The following CACNA2D3 variants were observed in gnomAD, a reference collection of about 807,000 sequenced individuals.
CACNA2D3 encodes voltage-dependent calcium channel subunit alpha-2/delta-3.
A neutral mutation model predicts 160.6 loss-of-function variants in CACNA2D3; 60 were observed. The observed-to-expected ratio is 0.37, with a 90% CI of 0.30 to 0.46. CACNA2D3 has a LOEUF of 0.46. Among genes scored for constraint, CACNA2D3 ranks in the 20% least tolerant of loss-of-function variants. The pLI, the probability that CACNA2D3 is intolerant of heterozygous loss-of-function variation, is 1.00. For synonymous variants in CACNA2D3, 558 were observed against 492.9 expected (o/e 1.13, Z -1.75); for missense variants, 1,205 against 1,365.0 (o/e 0.88, Z 1.85).
intron 4 of CACNA2D3, among the ~76,000 whole-genome samples, chr3:54,500,066 G>A (rs989845901): frequency 6.6e-6 from 1 of 151,964 alleles, no homozygotes. Context: ...GTATTTTAAC[G>A]CTGTGCTGTT....
chr3:54,448,068 G>A (rs1311888610), intron 4 of CACNA2D3, among the ~76,000 whole-genome samples: 1 of 152,146 alleles, frequency 6.6e-6, no homozygotes, highest in Non-Finnish European at 1.5e-5. Flanking sequence ...GGGCTCAGAC[G>A]ACACCAGAAT....
At chr3:54,522,290 G>T (rs1276427248) in intron 5 of CACNA2D3, among the ~76,000 whole-genome samples, 5 of 151,886 alleles carry the variant, frequency 3.3e-5, no homozygotes, top group African/African-American at 1.2e-4. Flanking sequence ...TCTTTTTAAT[G>T]ATATTATAAA....
At chr3:54,917,310 A>T (rs1028160441) in intron 27 of CACNA2D3, among the ~76,000 whole-genome samples, 1 of 152,224 alleles carries the variant, frequency 6.6e-6, no homozygotes, top group Non-Finnish European at 1.5e-5. Context: ...ATGTCTGTGG[A>T]GTAAAGCCAG....
intron 5 of CACNA2D3, among the ~76,000 whole-genome samples, chr3:54,539,968 C>T (rs904832283): frequency 2.0e-5 from 3 of 152,120 alleles, no homozygotes; most frequent in African/African-American, 4.8e-5. Context: ...ATAGGTGAGC[C>T]TGGAAAGTCT....
chr3:54,554,030 G>A (rs942204868), intron 5 of CACNA2D3, among the ~76,000 whole-genome samples: 2 of 152,154 alleles, frequency 1.3e-5, no homozygotes, highest in African/African-American at 4.8e-5. Flanking sequence ...GCCTCATCTA[G>A]TACCTCTCGC....
chr3:54,813,599 G>T (rs935256418), intron 13 of CACNA2D3, among the ~76,000 whole-genome samples: 1 of 152,076 alleles, frequency 6.6e-6, no homozygotes, highest in Non-Finnish European at 1.5e-5. Flanking sequence ...TCTTTCCCTG[G>T]CATCAACTCT....
chr3:54,538,515 C>A (rs1701923066), intron 5 of CACNA2D3, among the ~76,000 whole-genome samples: 1 of 152,116 alleles, frequency 6.6e-6, no homozygotes, highest in African/African-American at 2.4e-5. Context: ...CTTTCCCTGG[C>A]CTTGTGGGCT....
At position 54,720,564 on chromosome 3, in the gene CACNA2D3, C is replaced by A. The variant is rs555307011; in HGVS notation, c.1168-32035C>A. Among the ~76,000 whole-genome samples the A allele has an allele frequency of 3.3e-5, 5 of 152,106 alleles. No individual in the cohort carries two copies. In the East Asian group the frequency reaches 9.7e-4, roughly 29 times the overall value. On this transcript the variant is annotated intron_variant, in intron 11 of 37. Transcript: ENST00000474759. ...CCTTGAGCACTTGTAAAAAAAAATG[C>A]ATTCAGCAGTTGATGAATGCAGTGT...
intron 4 of CACNA2D3, among the ~76,000 whole-genome samples, chr3:54,500,151 A>G (rs1282340616): frequency 1.3e-5 from 2 of 152,108 alleles, no homozygotes; most frequent in African/African-American, 4.8e-5. Context: ...ATGCCTGCCT[A>G]TCTTATTCCT....
rs116537638 is a variant in CACNA2D3, at chr3:54,237,134, C to T, written c.205-83308C>T. ...TTCAAGGGTAGGAGGACATTCTTCC[C>T]CTACAAAGTGTCTGTTATTAACACC... On this transcript the variant is annotated intron_variant, in intron 2 of 37. Coordinates refer to ENST00000474759, the MANE Select transcript of CACNA2D3 (RefSeq NM_018398.3). Among the ~76,000 whole-genome samples the T allele has an allele frequency of 1.7e-3, 256 of 152,066 alleles. 2 individuals carry two copies. Among genetic ancestry groups the T allele is most frequent in the African/African-American group, 5.9e-3 (244 of 41,484 alleles).
At chr3:54,794,016 C>T (rs912621556) in intron 13 of CACNA2D3, among the ~76,000 whole-genome samples, 4 of 152,062 alleles carry the variant, frequency 2.6e-5, no homozygotes, top group African/African-American at 9.7e-5. Flanking sequence ...TAAAGATGTT[C>T]ATAATATTCT....
chr3:54,571,851 A>G (rs1702504268), intron 8 of CACNA2D3, among the ~76,000 whole-genome samples: 2 of 152,122 alleles, frequency 1.3e-5, no homozygotes, highest in Admixed American at 1.3e-4. Context: ...GGCATCAGCT[A>G]CCTCAGCTGT....
At chr3:54,315,505 A>G (rs1703839286) in intron 2 of CACNA2D3, among the ~76,000 whole-genome samples, 1 of 152,186 alleles carries the variant, frequency 6.6e-6, no homozygotes, top group Non-Finnish European at 1.5e-5. Flanking sequence ...GTCCTCTGAA[A>G]CAAGTTTGCA....
intron 25 of CACNA2D3, among the ~76,000 whole-genome samples, chr3:54,896,014 G>C (rs1700180191): frequency 6.6e-6 from 1 of 152,220 alleles, no homozygotes; most frequent in African/African-American, 2.4e-5. Flanking sequence ...GATTGTGGGG[G>C]CCCAGGGTGT....
chr3:54,813,698 G>A (rs1030915673), intron 13 of CACNA2D3, among the ~76,000 whole-genome samples: 4 of 151,996 alleles, frequency 2.6e-5, no homozygotes, highest in Non-Finnish European at 5.9e-5. Context: ...TGGGGAAGAT[G>A]TCTTCTCTGC....
chr3:55,006,289 G>A (rs745374800), intron 32 of CACNA2D3, among the ~76,000 whole-genome samples: 1 of 152,106 alleles, frequency 6.6e-6, no homozygotes, highest in Non-Finnish European at 1.5e-5. Flanking sequence ...GCCTGGCATG[G>A]AATGCCTGAG....
chr3:54,673,871 C>T (rs558612828), intron 11 of CACNA2D3, among the ~76,000 whole-genome samples: 1 of 152,286 alleles, frequency 6.6e-6, no homozygotes, highest in South Asian at 2.1e-4. Context: ...ACTCTCTCCT[C>T]TCCACCCTGG....
chr3:55,000,208 C>A (rs1702949702), intron 31 of CACNA2D3, among the ~76,000 whole-genome samples: 1 of 152,070 alleles, frequency 6.6e-6, no homozygotes, highest in Non-Finnish European at 1.5e-5. Flanking sequence ...CTGTAATCAG[C>A]CGAACAGGAT....
intron 27 of CACNA2D3, among the ~76,000 whole-genome samples, chr3:54,907,716 C>T (rs1458922849): frequency 6.6e-6 from 1 of 152,128 alleles, no homozygotes; most frequent in Non-Finnish European, 1.5e-5. Flanking sequence ...TTTCACATAC[C>T]TGTGCCTCAG....
Sources: allele counts gnomAD v4.1 joint callset (sites outside exome capture counted in the v4.1 genomes callset), GRCh38; gene constraint gnomAD v4.1.1; transcripts MANE v1.5; gene names NCBI Gene and HGNC (gene_info 2026-07-23, HGNC 2026-07-21).